The following FHIT variants were observed in gnomAD, a reference collection of about 807,000 sequenced individuals.
The protein encoded by FHIT is bis(5'-adenosyl)-triphosphatase.
FHIT carries 19 observed loss-of-function variants against 17.9 expected under a neutral mutation model. That is an observed-to-expected ratio of 1.06 (90% CI 0.74 to 1.56). The LOEUF (loss-of-function observed/expected upper bound fraction) is 1.56. FHIT is among the 40% of genes most tolerant of loss of function. The pLI is 0.00. For synonymous variants in FHIT, 81 were observed against 69.7 expected (o/e 1.16, Z -0.81); for missense variants, 248 against 189.2 (o/e 1.31, Z -1.82).
At chr3:60,094,611 C>T (rs1344840967) in intron 5 of FHIT, among the ~76,000 whole-genome samples, 1 of 152,176 alleles carries the variant, frequency 6.6e-6, no homozygotes, top group African/African-American at 2.4e-5. Flanking sequence ...TCCTGTCAGA[C>T]ACCTGTCAAA....
chr3:60,405,197 C>T (rs540888686), intron 5 of FHIT, among the ~76,000 whole-genome samples: 88 of 152,308 alleles, frequency 5.8e-4, no homozygotes, highest in African/African-American at 2.0e-3. Context: ...TTTGTCTTCC[C>T]ATTTGGCACA....
At chr3:60,119,211 C>A (rs1705132456) in intron 5 of FHIT, among the ~76,000 whole-genome samples, 1 of 151,722 alleles carries the variant, frequency 6.6e-6, no homozygotes, top group Non-Finnish European at 1.5e-5. Context: ...GTAGCTGGGA[C>A]TACAGGTACC....
At chr3:60,993,167 GT>G (rs1324856547) in intron 3 of FHIT, among the ~76,000 whole-genome samples, 1 of 152,180 alleles carries the variant, frequency 6.6e-6, no homozygotes, top group African/African-American at 2.4e-5. Context: ...AGTGAAAAAT[GT>G]TAGCAAAGGA....
At position 61,168,468 on chromosome 3, in the gene FHIT, A is replaced by G. The variant is rs1285730564; in HGVS notation, c.-164+32149T>C. Among the ~76,000 whole-genome samples, 5 of 152,340 alleles carry G rather than the reference A, an allele frequency of 3.3e-5. No individual in the cohort carries two copies. In the East Asian group the frequency reaches 5.8e-4, roughly 18 times the overall value. On this transcript the variant is annotated intron_variant, in intron 2 of 9. Coordinates refer to ENST00000492590, the MANE Select transcript of FHIT (RefSeq NM_002012.4). ...CCTAATGGCAGTTGCCTGAGGCACA[A>G]CTTTCTCAATTTCACCTGAAGGTTT... is the stretch of plus-strand genomic sequence containing the variant.
intron 4 of FHIT, among the ~76,000 whole-genome samples, chr3:60,677,563 GTATGTATATATGTGTA>G (rs2040651059): frequency 6.6e-6 from 1 of 151,918 alleles, no homozygotes; most frequent in African/African-American, 2.4e-5. Context: ...AAAATGTGCT[GTATGTATATATGTGTA>G]TATGTATATA....
intron 4 of FHIT, among the ~76,000 whole-genome samples, chr3:60,682,094 C>T (rs928778955): frequency 7.9e-5 from 12 of 152,058 alleles, no homozygotes; most frequent in Non-Finnish European, 1.6e-4. Context: ...GCCTCAGCCT[C>T]CCAAGTACCT....
intron 7 of FHIT, among the ~76,000 whole-genome samples, chr3:59,957,697 C>T (rs1316551044): frequency 6.6e-6 from 1 of 152,166 alleles, no homozygotes; most frequent in Non-Finnish European, 1.5e-5. Context: ...TGCTTTTCAC[C>T]TGTAATACTG....
chr3:60,371,753 C>G (rs1700339512), intron 5 of FHIT, among the ~76,000 whole-genome samples: 2 of 151,256 alleles, frequency 1.3e-5, no homozygotes, highest in African/African-American at 4.9e-5. Context: ...TGGTCATTTG[C>G]AAAGGTAGCA....
At chr3:60,162,250 G>A (rs1700973869) in intron 5 of FHIT, among the ~76,000 whole-genome samples, 2 of 152,072 alleles carry the variant, frequency 1.3e-5, no homozygotes, top group South Asian at 2.1e-4. Context: ...ATTTTGTTGT[G>A]TCATTTTATA....
chr3:60,905,652 T>A lies in FHIT; in HGVS notation c.-110-83641A>T, dbSNP rs558880511. Among the ~76,000 whole-genome samples the A allele has an allele frequency of 3.9e-5, 6 of 152,286 alleles. No individual in the cohort carries two copies. In the South Asian group the frequency reaches 1.2e-3, roughly 32 times the overall value. The stretch of plus-strand genomic sequence containing the variant: ...TATACACATAGAACTACTATTCAAC[T>A]GTAATAAGGAATGAGGAGGATCTTT... On this transcript the variant is annotated intron_variant, in intron 3 of 9. Coordinates refer to ENST00000492590, the MANE Select transcript of FHIT (RefSeq NM_002012.4).
intron 5 of FHIT, among the ~76,000 whole-genome samples, chr3:60,533,759 C>A (rs1408958136): frequency 6.6e-6 from 1 of 152,156 alleles, no homozygotes; most frequent in African/African-American, 2.4e-5. Flanking sequence ...AGAAGGGAGA[C>A]TGAGCCAGTA....
At chr3:60,352,426 T>G (rs1699452281) in intron 5 of FHIT, among the ~76,000 whole-genome samples, 1 of 152,200 alleles carries the variant, frequency 6.6e-6, no homozygotes, top group Non-Finnish European at 1.5e-5. Context: ...TTCTTTCATA[T>G]CTTGCTTCAA....
intron 2 of FHIT, among the ~76,000 whole-genome samples, chr3:61,162,175 A>C (rs2037716434): frequency 6.6e-6 from 1 of 152,168 alleles, no homozygotes; most frequent in African/African-American, 2.4e-5. Flanking sequence ...CACTTGAAGA[A>C]ATTTTTTTCT....
intron 4 of FHIT, among the ~76,000 whole-genome samples, chr3:60,636,976 G>A (rs997158673): frequency 1.3e-5 from 2 of 152,046 alleles, no homozygotes; most frequent in African/African-American, 2.4e-5. Context: ...GGGGCTGGTG[G>A]GGCTTCCTTC....
intron 2 of FHIT, among the ~76,000 whole-genome samples, chr3:61,156,355 A>G (rs1352768441): frequency 6.6e-6 from 1 of 152,132 alleles, no homozygotes; most frequent in Non-Finnish European, 1.5e-5. Flanking sequence ...TCACAGAAAC[A>G]TTGGTGACCT....
intron 4 of FHIT, among the ~76,000 whole-genome samples, chr3:60,786,840 T>A (rs1700595068): frequency 6.6e-6 from 1 of 151,986 alleles, no homozygotes; most frequent in Non-Finnish European, 1.5e-5. Flanking sequence ...TCCTATTTGA[T>A]CAAAAGCCAC....
intron 7 of FHIT, among the ~76,000 whole-genome samples, chr3:59,930,116 G>A (rs1230725431): frequency 1.3e-5 from 2 of 152,088 alleles, no homozygotes; most frequent in Non-Finnish European, 2.9e-5. Context: ...AAGGTGTGAG[G>A]GAACTAGCGT....
chr3:60,259,333 C>T (rs1706179559), intron 5 of FHIT, among the ~76,000 whole-genome samples: 1 of 152,104 alleles, frequency 6.6e-6, no homozygotes, highest in South Asian at 2.1e-4. Flanking sequence ...CGGCTGGGTA[C>T]TGGCTATACA....
chr3:59,788,900 T>G, intron 8 of FHIT, among the ~76,000 whole-genome samples: 1 of 149,242 alleles, frequency 6.7e-6, no homozygotes, highest in Non-Finnish European at 1.5e-5. Flanking sequence ...TTTTACCCCA[T>G]CTCCAAACAG....
Sources: gnomAD v4.1 joint callset for allele counts (sites outside exome capture counted in the v4.1 genomes callset) on GRCh38, gnomAD v4.1.1 for gene constraint, MANE v1.5 for transcripts, NCBI Gene and HGNC (gene_info 2026-07-23, HGNC 2026-07-21) for gene names.